The following TTC6 variants were observed in gnomAD, a reference collection of about 807,000 sequenced individuals.
The protein encoded by TTC6 is tetratricopeptide repeat protein 6.
A neutral mutation model predicts 210.4 loss-of-function variants in TTC6; 172 were observed. That is an observed-to-expected ratio of 0.82 (90% CI 0.72 to 0.93). TTC6 has a LOEUF of 0.93. Ranked by LOEUF, TTC6 falls within the 40% of genes least tolerant of loss-of-function variation. TTC6 has a pLI of 0.00. For missense variants in TTC6, 2,414 were observed against 2,318.1 expected (o/e 1.04, Z -0.85); for synonymous variants, 804 against 819.6 (o/e 0.98, Z 0.32).
At chr14:37,826,344 G>C in exon 28 of TTC6, 1 of 1,596,994 alleles carries the variant, frequency 6.3e-7, no homozygotes, top group Non-Finnish European at 8.5e-7. Flanking sequence ...ATGCTGCCAT[G>C]AAGGTAAAAA....
At chr14:37,789,121 C>G (rs17107097) in intron 15 of TTC6, among the ~76,000 whole-genome samples, 2,595 of 152,184 alleles carry the variant, frequency 0.017, 71 homozygotes, top group African/African-American at 0.053. Flanking sequence ...AAAGGACTCT[C>G]AAGATATTTT....
At chr14:37,751,796 G>A (rs1204930819) in intron 13 of TTC6, among the ~76,000 whole-genome samples, 1 of 151,096 alleles carries the variant, frequency 6.6e-6, no homozygotes, top group South Asian at 2.1e-4. Context: ...TTATGTTTAG[G>A]AGATACCAGA....
At chr14:37,714,602 T>C (rs1443893380) in intron 5 of TTC6, 53 bp from the exon 8 acceptor site, 39 of 1,465,630 alleles carry the variant, frequency 2.7e-5, no homozygotes, top group Non-Finnish European at 9.2e-7. Flanking sequence ...GCAAACACCT[T>C]ATACTTTGTC....
At position 37,664,431 on chromosome 14, in the gene TTC6, G is replaced by C. The variant is rs186620839; in HGVS notation, c.940-15720G>C. On this transcript the variant is annotated intron_variant, in intron 1 of 30. Coordinates refer to ENST00000553443, the Ensembl canonical transcript of TTC6. ...AATCCCTATTTAATAAATGGCACCA[G>C]GAGAAGTGGTTATCCATATGTAGAA... is the stretch of plus-strand genomic sequence containing the variant. Among the ~76,000 whole-genome samples, 15 of 150,732 alleles carry C rather than the reference G, an allele frequency of 1.0e-4. 1 individual carries two copies. The highest frequency in any genetic ancestry group is 2.1e-4 in the Non-Finnish European group (14 of 67,082).
At chr14:37,806,568 A>C in intron 22 of TTC6, 58 bp downstream of exon 24, 2 of 1,422,294 alleles carry the variant, frequency 1.4e-6, no homozygotes, top group East Asian at 2.5e-5. Flanking sequence ...AAAACTATTA[A>C]ATCTTTTATG....
chr14:37,690,527 A>G (rs1028231311), intron 3 of TTC6, among the ~76,000 whole-genome samples: 1 of 152,162 alleles, frequency 6.6e-6, no homozygotes, highest in Non-Finnish European at 1.5e-5. Flanking sequence ...AAATACAGGG[A>G]TGGAAAAAGA....
At position 37,817,791 on chromosome 14, in the gene TTC6, G is replaced by A. The variant is rs2096145695; in HGVS notation, c.4763+140G>A. 6 of 774,934 alleles carry A rather than the reference G, an allele frequency of 7.7e-6. No individual in the cohort carries two copies. The East Asian group carries it at 1.6e-4, about 20-fold the overall frequency. The allele number at this position is 774,934 out of a possible 1,614,324, so 48.0% of individuals were successfully genotyped here. On this transcript the variant is annotated intron_variant, in intron 26 of 30. Coordinates refer to ENST00000553443, the Ensembl canonical transcript of TTC6. ...GTTATAGAGTACAAAAATGGGGAGG[G>A]ACACAAAGAGTTCCCTGTGTAGACA...
At chr14:37,796,668 TTTA>T (rs2096093333) in intron 19 of TTC6, 116 bp from the exon 22 acceptor site, 1 of 921,290 alleles carries the variant, frequency 1.1e-6, no homozygotes, top group African/African-American at 1.7e-5. Context: ...AATTTTATAA[TTTA>T]TTGATTTGTT....
chr14:37,657,417 C>T (rs1781550072), intron 1 of TTC6, among the ~76,000 whole-genome samples: 1 of 150,522 alleles, frequency 6.6e-6, no homozygotes, highest in Non-Finnish European at 1.5e-5. Context: ...TCCTGTGCTG[C>T]GTGGGGAACT....
At chr14:37,809,975 C>T (rs1595298353) in intron 24 of TTC6, among the ~76,000 whole-genome samples, 1 of 152,190 alleles carries the variant, frequency 6.6e-6, no homozygotes, top group East Asian at 1.9e-4. Flanking sequence ...CACATTCCCG[C>T]TGTTCTGTGT....
chr14:37,770,166 G>T (rs1484476706), intron 14 of TTC6, among the ~76,000 whole-genome samples: 3 of 151,950 alleles, frequency 2.0e-5, no homozygotes, highest in Non-Finnish European at 4.4e-5. Context: ...TGGTCTGAGA[G>T]ATAGTTTGTT....
chr14:37,670,598 G>A (rs1459374819), intron 1 of TTC6, among the ~76,000 whole-genome samples: 7 of 150,724 alleles, frequency 4.6e-5, no homozygotes, highest in Non-Finnish European at 1.0e-4. Context: ...AGCCTTCCGA[G>A]TAGCTGGGAT....
At chr14:37,622,782 C>G in exon 1 of TTC6, 4 of 1,534,562 alleles carry the variant, frequency 2.6e-6, no homozygotes, top group Non-Finnish European at 3.5e-6. Context: ...CCGCGAGGCG[C>G]GGGAAGCGGC....
intron 1 of TTC6, among the ~76,000 whole-genome samples, chr14:37,636,702 T>C (rs1424132302): frequency 6.6e-6 from 1 of 152,212 alleles, no homozygotes; most frequent in Non-Finnish European, 1.5e-5. Flanking sequence ...CCTAATGTTA[T>C]AATGGCTGGT....
chr14:37,771,123 A>C (rs1187788894), intron 14 of TTC6, among the ~76,000 whole-genome samples: 9 of 151,560 alleles, frequency 5.9e-5, no homozygotes, highest in Non-Finnish European at 1.3e-4. Flanking sequence ...AGAATGTTGA[A>C]TATTGGCCCC....
At chr14:37,815,241 GAAAC>G (rs2096138667) in intron 25 of TTC6, among the ~76,000 whole-genome samples, 2 of 151,976 alleles carry the variant, frequency 1.3e-5, no homozygotes, top group South Asian at 2.1e-4. Context: ...AATAGAGACT[GAAAC>G]AAACAAACGA....
chr14:37,599,710 A>G (rs969017592), intron 1 of TTC6, among the ~76,000 whole-genome samples: 4 of 152,158 alleles, frequency 2.6e-5, no homozygotes, highest in African/African-American at 2.4e-5. Context: ...ATTTTCATGT[A>G]TTCAAATGAG....
rs1213334749 is a variant in TTC6 at position 37,827,355 on chromosome 14, C to T, written c.5287C>T (p.Gln1763Ter). ...AGGAAATATCTACTTTCACCACAGG[C>T]AGTTTTCCCAGGTAATGTGAGTTTT... is the stretch of plus-strand genomic sequence containing the variant. Residue 1763 changes from glutamine (Q) to a stop codon, truncating the protein, a stop_gained, in exon 29 of 31, where the codon CAG becomes TAG. Transcript: ENST00000553443. LOFTEE classifies it high-confidence loss of function. 1.2e-6 allele frequency: 2 copies of T among 1,612,056 alleles called. No individual in the cohort carries two copies. Among genetic ancestry groups the T allele is most frequent in the Non-Finnish European group, 1.7e-6 (2 of 1,178,648 alleles).
chr14:37,726,267 T>C (rs2095872907), intron 7 of TTC6, among the ~76,000 whole-genome samples: 1 of 152,142 alleles, frequency 6.6e-6, no homozygotes, highest in Non-Finnish European at 1.5e-5. Context: ...ACATGAGTAA[T>C]AGCATAATAA....
Sources: allele counts gnomAD v4.1 joint callset (sites outside exome capture counted in the v4.1 genomes callset), GRCh38; gene constraint gnomAD v4.1.1; transcripts MANE v1.5; gene names NCBI Gene and HGNC (gene_info 2026-07-23, HGNC 2026-07-21).